ASZ1: variants seen among roughly 807,000 people sequenced by gnomAD.
The protein encoded by ASZ1 is ankyrin repeat, SAM and basic leucine zipper domain-containing protein 1.
Under a neutral mutation model 61.8 loss-of-function variants are expected in ASZ1, and 67 were observed. That is an observed-to-expected ratio of 1.08 (90% confidence interval 0.89 to 1.33). ASZ1 has a LOEUF of 1.33. Among genes scored for constraint, ASZ1 ranks in the 40% most tolerant of loss-of-function variants. The pLI is 0.00. For missense variants in ASZ1, 577 were observed against 554.5 expected, an observed-to-expected ratio of 1.04 and a Z score of -0.41; for synonymous variants, 193 against 192.7, an observed-to-expected ratio of 1.00 and a Z score of -0.01.
chr7:117,382,869 A>G, intron 7 of ASZ1, 117 bp downstream of exon 7: 2 of 1,133,564 alleles, frequency 1.8e-6, no homozygotes, highest in South Asian at 2.5e-5. Flanking sequence ...ACATTTAAAA[A>G]TGCTTGTAAA....
rs765242032 is a variant in ASZ1 at position 117,426,827 on chromosome 7, A to C, written c.205+9T>G. Reference sequence around the variant, plus strand: ...CTGTGTTCAGATGAAACTGTCCCTTATCTCTCACCAGAATCTAGGAGCTCC... The same window carrying C: ...CTGTGTTCAGATGAAACTGTCCCTTCTCTCTCACCAGAATCTAGGAGCTCC... On this transcript the variant is annotated intron_variant, in intron 2 of 12. Coordinates refer to ENST00000284629, the MANE Select transcript of ASZ1 (RefSeq NM_130768.3). 1 of 1,590,936 alleles carries C rather than the reference A, an allele frequency of 6.3e-7. No individual in the cohort carries two copies. The highest frequency in any genetic ancestry group is 1.4e-5 in the African/African-American group (1 of 73,360).
intron 12 of ASZ1, among the ~76,000 whole-genome samples, chr7:117,365,438 T>G (rs1259426355): frequency 6.6e-6 from 1 of 152,170 alleles, no homozygotes; most frequent in Non-Finnish European, 1.5e-5. Flanking sequence ...ATTTCACTCA[T>G]TTAACAAAAA....
At chr7:117,370,561 A>G (rs1280421444) in intron 10 of ASZ1, among the ~76,000 whole-genome samples, 1 of 152,194 alleles carries the variant, frequency 6.6e-6, no homozygotes, top group Non-Finnish European at 1.5e-5. Flanking sequence ...ACCCAACAGA[A>G]AAGTTGGTCA....
At chr7:117,426,547 A>G (rs1797220125) in intron 2 of ASZ1, among the ~76,000 whole-genome samples, 1 of 151,228 alleles carries the variant, frequency 6.6e-6, no homozygotes, top group South Asian at 2.1e-4. Flanking sequence ...ATTACAGCAG[A>G]GTAAATGAAG....
At chr7:117,422,145 T>C in intron 3 of ASZ1, 92 bp downstream of exon 3, 1 of 1,392,506 alleles carries the variant, frequency 7.2e-7, no homozygotes, top group Admixed American at 2.3e-5. Flanking sequence ...TTACTTCAAA[T>C]GGCTTTAGTT....
chr7:117,412,039 A>AGT (rs57672347), intron 4 of ASZ1, among the ~76,000 whole-genome samples: 8,808 of 128,248 alleles, frequency 0.069, 283 homozygotes, highest in African/African-American at 0.099. Context: ...AGTGAAAAGA[A>AGT]GTGTGTGTGT....
chr7:117,410,244 A>T (rs1796865118), intron 4 of ASZ1, among the ~76,000 whole-genome samples: 1 of 151,752 alleles, frequency 6.6e-6, no homozygotes, highest in Non-Finnish European at 1.5e-5. Context: ...TGTCACAAGA[A>T]TTCAGCAAAA....
In ASZ1 at chr7:117,427,369, T is replaced by G. The variant is rs1797243974; in HGVS notation, c.92A>C (p.Asp31Ala). The change falls in exon 1 of 13, where the codon GAC becomes GCC. Residue 31 changes from aspartate to alanine, a missense_variant. Coordinates refer to ENST00000284629, the MANE Select transcript of ASZ1 (RefSeq NM_130768.3). ...EDDGWEIGYL[D>A]RTSQKLKRLL... is the part of the protein sequence containing the mutation. Reference sequence around the variant, plus strand: ...CTCCTCCGCTACCTGAGACGTCCGGTCGAGATACCCAATCTCCCAGCCATC... The same window carrying G: ...CTCCTCCGCTACCTGAGACGTCCGGGCGAGATACCCAATCTCCCAGCCATC... The G allele has an allele frequency of 1.2e-6, 2 of 1,614,186 alleles. No homozygotes were observed. Among genetic ancestry groups the G allele is most frequent in the Non-Finnish European group, 1.7e-6 (2 of 1,180,014 alleles).
At chr7:117,422,675 T>G (rs2116540096) in intron 2 of ASZ1, among the ~76,000 whole-genome samples, 1 of 152,246 alleles carries the variant, frequency 6.6e-6, no homozygotes, top group Admixed American at 6.5e-5. Context: ...GCTGGAAAGG[T>G]TTCACAGAGG....
intron 4 of ASZ1, among the ~76,000 whole-genome samples, chr7:117,392,236 C>T (rs182755321): frequency 1.4e-4 from 21 of 152,260 alleles, no homozygotes; most frequent in Admixed American, 5.2e-4. Context: ...TCTGTGATCA[C>T]GGAATTCTTT....
At chr7:117,426,695 C>T in intron 2 of ASZ1, 141 bp downstream of exon 2, 1 of 740,970 alleles carries the variant, frequency 1.3e-6, no homozygotes. Flanking sequence ...AGACTGGACT[C>T]AGTCAACGAA....
chr7:117,370,119 A>G (rs1358840750), intron 10 of ASZ1, among the ~76,000 whole-genome samples: 1 of 152,156 alleles, frequency 6.6e-6, no homozygotes, highest in Non-Finnish European at 1.5e-5. Flanking sequence ...TCTGGGCTCT[A>G]AAGACTCATG....
At chr7:117,381,164 G>T in intron 8 of ASZ1, 97 bp from the exon 9 acceptor site, 1 of 1,116,178 alleles carries the variant, frequency 9.0e-7, no homozygotes, top group Non-Finnish European at 1.3e-6. Context: ...GCTTCACTCT[G>T]AAGCAAATTC....
At chr7:117,374,605 C>T (rs1333625967) in intron 10 of ASZ1, among the ~76,000 whole-genome samples, 5 of 151,578 alleles carry the variant, frequency 3.3e-5, no homozygotes, top group African/African-American at 9.7e-5. Flanking sequence ...AACTGGAATA[C>T]GTTGAAATAA....
intron 4 of ASZ1, among the ~76,000 whole-genome samples, chr7:117,402,476 T>C: frequency 6.6e-6 from 1 of 152,172 alleles, no homozygotes; most frequent in East Asian, 1.9e-4. Context: ...CCTTCCATAG[T>C]TGGGACTAGA....
chr7:117,368,192 G>A, intron 11 of ASZ1: 1 of 904,022 alleles, frequency 1.1e-6, no homozygotes, highest in Non-Finnish European at 1.3e-6. Flanking sequence ...CTCCCAAAGT[G>A]TTGGGATTAC....
intron 3 of ASZ1, among the ~76,000 whole-genome samples, 155 bp downstream of exon 3, chr7:117,422,082 T>C (rs1289602188): frequency 2.6e-4 from 39 of 152,220 alleles, no homozygotes; most frequent in Admixed American, 2.6e-3. Flanking sequence ...AGAATATGTA[T>C]GGTTTCTAAT....
At chr7:117,425,255 A>AT (rs1004795019) in intron 2 of ASZ1, among the ~76,000 whole-genome samples, 3,439 of 86,122 alleles carry the variant, frequency 0.04, 99 homozygotes, top group African/African-American at 0.071. Context: ...CCTTTGAGTA[A>AT]TTTCTTTTTT....
intron 8 of ASZ1, 58 bp from the exon 9 acceptor site, chr7:117,381,125 G>A: frequency 7.1e-7 from 1 of 1,413,714 alleles, no homozygotes; most frequent in South Asian, 1.3e-5. Flanking sequence ...AGAAGGAGAA[G>A]TAGGCAAATG....
Sources: allele counts gnomAD v4.1 joint callset (sites outside exome capture counted in the v4.1 genomes callset), GRCh38; gene constraint gnomAD v4.1.1; transcripts MANE v1.5; gene names NCBI Gene and HGNC (gene_info 2026-07-23, HGNC 2026-07-21).